The following ZFYVE16 variants were observed in gnomAD, a reference collection of about 807,000 sequenced individuals.
ZFYVE16 encodes zinc finger FYVE domain-containing protein 16.
Under a neutral mutation model 138.1 loss-of-function variants are expected in ZFYVE16, and 89 were observed. The observed-to-expected ratio is 0.64, with a 90% CI of 0.54 to 0.77. The LOEUF (loss-of-function observed/expected upper bound fraction) is 0.77. Among genes scored for constraint, ZFYVE16 ranks in the 30% least tolerant of loss-of-function variants. ZFYVE16 has a pLI of 0.00. For missense variants in ZFYVE16, 1,793 were observed against 1,786.7 expected (o/e 1.00, Z -0.06); for synonymous variants, 596 against 618.3 (o/e 0.96, Z 0.53).
At chr5:80,474,608 T>C in intron 17 of ZFYVE16, 55 bp from the exon 18 acceptor site, 1 of 1,506,138 alleles carries the variant, frequency 6.6e-7, no homozygotes, top group Non-Finnish European at 9.0e-7. Flanking sequence ...CAGCAATTGT[T>C]GCATTTTAAA....
chr5:80,425,809 T>G (rs1397052983), intron 1 of ZFYVE16, among the ~76,000 whole-genome samples: 1 of 152,186 alleles, frequency 6.6e-6, no homozygotes, highest in African/African-American at 2.4e-5. Context: ...TGAAATTGAT[T>G]GTTGGGTTTG....
rs756376115 is a variant in ZFYVE16, at chr5:80,477,407, A to G, written c.*30A>G. On this transcript the variant is annotated 3_prime_UTR_variant, in exon 19 of 19. Coordinates refer to ENST00000505560, the MANE Select transcript of ZFYVE16 (RefSeq NM_001284236.3). ...AGAATGTGCCATATTACATATTGCA[A>G]CCTAATTTGTTAAAACTAACTCCAG... The G allele has an allele frequency of 1.3e-6, 2 of 1,580,318 alleles. No homozygotes were observed. Among genetic ancestry groups the G allele is most frequent in the Admixed American group, 3.7e-5 (2 of 53,720 alleles).
chr5:80,460,648 T>C (rs1008160041), intron 15 of ZFYVE16, among the ~76,000 whole-genome samples: 1 of 152,226 alleles, frequency 6.6e-6, no homozygotes, highest in Admixed American at 6.5e-5. Flanking sequence ...GCATCAGATA[T>C]TGAATTTTCC....
intron 15 of ZFYVE16, among the ~76,000 whole-genome samples, chr5:80,466,376 A>G (rs1466229296): frequency 1.3e-5 from 2 of 151,934 alleles, no homozygotes; most frequent in African/African-American, 2.4e-5. Context: ...TCTGTTGTTG[A>G]GCTCCACTAG....
chr5:80,450,312 A>G (rs1453910325), intron 9 of ZFYVE16, 119 bp from the exon 10 acceptor site: 9 of 943,186 alleles, frequency 9.5e-6, no homozygotes, highest in Non-Finnish European at 9.6e-6. Context: ...AGGTTTTCAT[A>G]AGGAGAACTT....
chr5:80,412,080 C>T (rs1745535606), intron 1 of ZFYVE16, among the ~76,000 whole-genome samples: 1 of 152,210 alleles, frequency 6.6e-6, no homozygotes, highest in African/African-American at 2.4e-5. Context: ...AGGCGGGCAT[C>T]ACCATGCCTG....
intron 8 of ZFYVE16, among the ~76,000 whole-genome samples, chr5:80,448,647 A>C (rs1751653514): frequency 6.6e-6 from 1 of 152,196 alleles, no homozygotes; most frequent in African/African-American, 2.4e-5. Flanking sequence ...AGGGAAGCTC[A>C]TAGACTTTTA....
intron 15 of ZFYVE16, among the ~76,000 whole-genome samples, chr5:80,463,590 A>G (rs1193760573): frequency 6.6e-6 from 1 of 152,158 alleles, no homozygotes; most frequent in Non-Finnish European, 1.5e-5. Flanking sequence ...TTGGCTTCTC[A>G]TTACTTAATG....
intron 15 of ZFYVE16, among the ~76,000 whole-genome samples, chr5:80,466,320 T>C (rs1471282041): frequency 2.0e-5 from 3 of 152,224 alleles, no homozygotes; most frequent in Non-Finnish European, 4.4e-5. Context: ...CTGGGTAGTC[T>C]TAGTTGGTCT....
In ZFYVE16 at chr5:80,482,428, T is replaced by C. The variant is rs1320846536; in HGVS notation, c.*5051T>C. 1 of 152,020 alleles carries C rather than the reference T, an allele frequency of 6.6e-6. No homozygotes were observed. Among genetic ancestry groups the C allele is most frequent in the Non-Finnish European group, 1.5e-5 (1 of 68,000 alleles). 9.4% of individuals were successfully genotyped at this position (152,020 alleles called of 1,614,324 possible). A position where few individuals can be genotyped will look rare whatever the true frequency, so the allele number is the denominator to read the frequency against. On this transcript the variant is annotated 3_prime_UTR_variant, in exon 19 of 19. Coordinates refer to ENST00000505560, the MANE Select transcript of ZFYVE16 (RefSeq NM_001284236.3). ...ACCTTTGGGGATCTGTGGGACAATA[T>C]GAAACAGTCTAATATTCATGTCTTA...
Position 80,477,651 on chromosome 5 carries a change from G to T in ZFYVE16, c.*274G>T, listed in dbSNP as rs1317549922. 1.6e-5 allele frequency: 4 copies of T among 248,294 alleles called. No individual in the cohort carries two copies. Among genetic ancestry groups the T allele is most frequent in the Non-Finnish European group, 3.0e-5 (4 of 132,488 alleles). The allele number at this position is 248,294 out of a possible 1,614,324, so 15.4% of individuals were successfully genotyped here. A position where few individuals can be genotyped will look rare whatever the true frequency, so the allele number is the denominator to read the frequency against. On this transcript the variant is annotated 3_prime_UTR_variant, in exon 19 of 19. Transcript: ENST00000505560. ...TTAAGAAATTTATAGCATTTACTGT[G>T]TTATTTAAATGCTAAGCCAAAGTAT... is the stretch of plus-strand genomic sequence containing the variant.
intron 15 of ZFYVE16, among the ~76,000 whole-genome samples, chr5:80,467,299 G>A (rs1193239683): frequency 6.6e-6 from 1 of 152,188 alleles, no homozygotes; most frequent in Non-Finnish European, 1.5e-5. Flanking sequence ...ATACAAGGAT[G>A]TACAAATGCC....
chr5:80,414,128 T>C (rs1232275661), intron 1 of ZFYVE16, among the ~76,000 whole-genome samples: 1 of 152,224 alleles, frequency 6.6e-6, no homozygotes, highest in African/African-American at 2.4e-5. Context: ...TTTGTACATG[T>C]ACCTTTTATA....
At position 80,477,223 on chromosome 5, in the gene ZFYVE16, A is replaced by G. The variant is rs752254740; in HGVS notation, c.4466A>G (p.Glu1489Gly). 1 of 1,586,730 alleles carries G rather than the reference A, an allele frequency of 6.3e-7. No homozygotes were observed. The highest frequency in any genetic ancestry group is 1.2e-5 in the South Asian group (1 of 85,374). The part of the protein sequence containing the change: ...LRVSIDTDMV[E>G]FQAGSEGQLL... ...AAGAATTTTTTTTTTTTCTAGGTTG[A>G]ATTTCAGGCAGGATCTGAAGGCCAA... Residue 1489 changes from glutamate (E) to glycine (G), a missense_variant, in exon 19 of 19, where the codon GAA becomes GGA. Transcript: ENST00000505560.
At chr5:80,448,500 G>T in intron 8 of ZFYVE16, 96 bp downstream of exon 8, 1 of 1,221,226 alleles carries the variant, frequency 8.2e-7, no homozygotes, top group South Asian at 2.4e-5. Flanking sequence ...AACTTAGTTT[G>T]GTTGCAATAT....
intron 7 of ZFYVE16, among the ~76,000 whole-genome samples, chr5:80,447,065 C>T (rs990674641): frequency 9.2e-5 from 14 of 151,636 alleles, no homozygotes; most frequent in Admixed American, 7.2e-4. Context: ...AGTTCAAGAC[C>T]GCCTGACCAA....
At position 80,471,130 on chromosome 5, in the gene ZFYVE16, T is replaced by TG. The variant is rs566233476; in HGVS notation, c.4025-1625dup. Among the ~76,000 whole-genome samples, 799 of 152,210 alleles carry TG rather than the reference T, an allele frequency of 5.2e-3. 4 individuals are homozygous for TG. The highest frequency in any genetic ancestry group is 9.4e-3 in the Admixed American group (144 of 15,294). On this transcript the variant is annotated intron_variant, in intron 15 of 18. Transcript: ENST00000505560. ...TGTGGAGAGCCTATAAACGGATGCA[T>TG]GGGGGGTGCCTGTCCATATGGATAA...
intron 5 of ZFYVE16, chr5:80,440,335 A>G (rs1750525621): frequency 8.7e-6 from 9 of 1,035,226 alleles, no homozygotes; most frequent in Non-Finnish European, 1.0e-5. Context: ...CATCATTGTC[A>G]TGTTAATCAT....
At chr5:80,440,763 A>G (rs931318850) in intron 5 of ZFYVE16, 67 of 983,922 alleles carry the variant, frequency 6.8e-5, no homozygotes, top group Non-Finnish European at 7.7e-5. Flanking sequence ...ATTTTCAAAG[A>G]TTCGTTGACA....
Sources: gnomAD v4.1 joint callset for allele counts (sites outside exome capture counted in the v4.1 genomes callset) on GRCh38, gnomAD v4.1.1 for gene constraint, MANE v1.5 for transcripts, NCBI Gene and HGNC (gene_info 2026-07-23, HGNC 2026-07-21) for gene names.